CACNA2D3: variants seen among roughly 807,000 people sequenced by gnomAD.
The protein encoded by CACNA2D3 is calcium voltage-gated channel auxiliary subunit alpha2delta 3, also known as voltage-dependent calcium channel subunit alpha-2/delta-3.
A neutral mutation model predicts 160.6 loss-of-function variants in CACNA2D3; 60 were observed. The observed-to-expected ratio is 0.37, with a 90% CI of 0.30 to 0.46. The LOEUF (loss-of-function observed/expected upper bound fraction) is 0.46, where lower values mean the gene tolerates loss of function less well. Among genes scored for constraint, CACNA2D3 ranks in the 20% least tolerant of loss-of-function variants. The pLI is 1.00. For missense variants in CACNA2D3, 1,205 were observed against 1,365.0 expected (o/e 0.88, Z 1.85); for synonymous variants, 558 against 492.9 (o/e 1.13, Z -1.75).
At chr3:54,913,819 C>T (rs190411014) in intron 27 of CACNA2D3, among the ~76,000 whole-genome samples, 4 of 152,206 alleles carry the variant, frequency 2.6e-5, no homozygotes, top group South Asian at 2.1e-4. Context: ...AGTGGTGTGA[C>T]GTTGAGCAAA....
chr3:54,935,127 T>C (rs1701297689), intron 27 of CACNA2D3, among the ~76,000 whole-genome samples: 1 of 152,168 alleles, frequency 6.6e-6, no homozygotes, highest in South Asian at 2.1e-4. Context: ...CAAGGTAGGG[T>C]TTCCCTGACA....
chr3:54,143,564 A>G (rs1699973857), intron 2 of CACNA2D3, among the ~76,000 whole-genome samples: 1 of 152,154 alleles, frequency 6.6e-6, no homozygotes, highest in Admixed American at 6.5e-5. Context: ...CAGTGGCGTA[A>G]TCTCAGCTCA....
At chr3:54,903,590 G>A (rs568801114) in intron 27 of CACNA2D3, among the ~76,000 whole-genome samples, 44 of 152,316 alleles carry the variant, frequency 2.9e-4, no homozygotes, top group African/African-American at 9.9e-4. Context: ...GGATTGCTGA[G>A]TAGGATGGTA....
intron 2 of CACNA2D3, among the ~76,000 whole-genome samples, chr3:54,149,267 GCACACACA>G (rs3060363): frequency 2.8e-5 from 4 of 144,328 alleles, no homozygotes; most frequent in African/African-American, 7.8e-5. Flanking sequence ...GGTCCCATGT[GCACACACA>G]CACACACACA....
At chr3:54,455,634 C>T (rs1247258330) in intron 4 of CACNA2D3, among the ~76,000 whole-genome samples, 1 of 151,980 alleles carries the variant, frequency 6.6e-6, no homozygotes, top group Non-Finnish European at 1.5e-5. Flanking sequence ...AGGTCTTTGC[C>T]ATAAAATCTT....
intron 4 of CACNA2D3, among the ~76,000 whole-genome samples, chr3:54,454,557 A>G (rs1700364797): frequency 6.6e-6 from 1 of 152,184 alleles, no homozygotes; most frequent in African/African-American, 2.4e-5. Context: ...AAATCTCGGT[A>G]ATCAGTACAT....
intron 2 of CACNA2D3, among the ~76,000 whole-genome samples, chr3:54,217,096 ACAGTGAGCAAGGCACAGTGTG>A (rs1201599367): frequency 6.6e-6 from 1 of 152,184 alleles, no homozygotes; most frequent in Non-Finnish European, 1.5e-5. Context: ...GCCCAGGTGA[ACAGTGAGCAAGGCACAGTGTG>A]CAGTGAGCAA....
chr3:54,722,812 T>TGTATGA (rs1040308065), intron 11 of CACNA2D3, among the ~76,000 whole-genome samples: 5 of 152,172 alleles, frequency 3.3e-5, no homozygotes, highest in African/African-American at 1.2e-4. Context: ...AGAGCTCTCC[T>TGTATGA]GTATGAGGTG....
At chr3:54,175,292 T>C (rs1700653056) in intron 2 of CACNA2D3, among the ~76,000 whole-genome samples, 1 of 152,090 alleles carries the variant, frequency 6.6e-6, no homozygotes, top group Admixed American at 6.5e-5. Context: ...CCTCTGGCCC[T>C]CTCAAGATTT....
intron 11 of CACNA2D3, among the ~76,000 whole-genome samples, chr3:54,698,735 A>T (rs1700711143): frequency 2.0e-5 from 3 of 152,214 alleles, no homozygotes; most frequent in African/African-American, 7.2e-5. Flanking sequence ...GACTGAGGGA[A>T]ATGTGAACAA....
intron 2 of CACNA2D3, among the ~76,000 whole-genome samples, chr3:54,148,031 T>G (rs1047261341): frequency 5.9e-5 from 9 of 152,332 alleles, no homozygotes; most frequent in Admixed American, 5.2e-4. Flanking sequence ...GGTTTTGACC[T>G]TGTGATCCGT....
intron 35 of CACNA2D3, among the ~76,000 whole-genome samples, chr3:55,040,722 G>T (rs1441948674): frequency 6.6e-6 from 1 of 152,088 alleles, no homozygotes; most frequent in African/African-American, 2.4e-5. Context: ...TTTTTGCTTT[G>T]TGGGGTTACT....
chr3:54,286,030 C>T (rs2107469661), intron 2 of CACNA2D3, among the ~76,000 whole-genome samples: 1 of 152,310 alleles, frequency 6.6e-6, no homozygotes, highest in Admixed American at 6.5e-5. Flanking sequence ...GCCTCTCCTC[C>T]TCCAAAGGAA....
intron 4 of CACNA2D3, among the ~76,000 whole-genome samples, chr3:54,401,704 C>A (rs961418244): frequency 6.6e-6 from 1 of 152,068 alleles, no homozygotes; most frequent in African/African-American, 2.4e-5. Context: ...GGCAAGCAAA[C>A]GTTGAGAGAA....
At chr3:54,590,048 C>G (rs1365327738) in intron 9 of CACNA2D3, among the ~76,000 whole-genome samples, 1 of 152,138 alleles carries the variant, frequency 6.6e-6, no homozygotes, top group Non-Finnish European at 1.5e-5. Flanking sequence ...CAATTGCATC[C>G]TTGGCATTAA....
chr3:54,997,672 G>A (rs961500614), intron 31 of CACNA2D3, among the ~76,000 whole-genome samples: 2 of 152,130 alleles, frequency 1.3e-5, no homozygotes, highest in Non-Finnish European at 2.9e-5. Context: ...GCTACAGTGA[G>A]CTATGTGCCA....
chr3:54,783,435 ATCTC>A lies in CACNA2D3; in HGVS notation c.1380+19086_1380+19089del, dbSNP rs1702571445. On this transcript the variant is annotated intron_variant, in intron 13 of 37. Transcript: ENST00000474759. ...AGCCTGGCCAACATGGCGAAACCCC[ATCTC>A]TACTAAAAATACAAAAATTAGCCGG... 2.6e-5 allele frequency among the ~76,000 whole-genome samples: 4 copies of A among 151,940 alleles called. No homozygotes were observed. In the South Asian group the frequency reaches 8.3e-4, roughly 32 times the overall value.
chr3:54,879,314 C>G (rs1179642567), intron 19 of CACNA2D3, 36 bp from the exon 20 acceptor site: 2 of 1,504,928 alleles, frequency 1.3e-6, no homozygotes, highest in Admixed American at 2.0e-5. Context: ...ACCATGTTTT[C>G]TTTTCTCTAC....
intron 4 of CACNA2D3, among the ~76,000 whole-genome samples, chr3:54,428,511 T>C (rs1172720938): frequency 6.6e-6 from 1 of 152,162 alleles, no homozygotes; most frequent in African/African-American, 2.4e-5. Context: ...CAAGTCCATT[T>C]ATGGATGTTA....
Sources: gnomAD v4.1 joint callset for allele counts (sites outside exome capture counted in the v4.1 genomes callset) on GRCh38, gnomAD v4.1.1 for gene constraint, MANE v1.5 for transcripts, NCBI Gene and HGNC (gene_info 2026-07-23, HGNC 2026-07-21) for gene names.